MAN1B1: variants seen among roughly 807,000 people sequenced by gnomAD.
MAN1B1 encodes the protein mannosidase alpha class 1B member 1.
MAN1B1 carries 66 observed loss-of-function variants against 75.5 expected under a neutral mutation model. That is an observed-to-expected ratio of 0.87 (90% CI 0.72 to 1.07). MAN1B1 has a LOEUF of 1.07. MAN1B1 is among the 50% of genes least tolerant of loss of function. The probability of loss-of-function intolerance (pLI) is 0.00; values close to 1 mark genes in which losing one functional copy is unlikely to be tolerated. For synonymous variants in MAN1B1, 453 were observed against 382.8 expected (o/e 1.18, Z -2.14); for missense variants, 973 against 912.5 (o/e 1.07, Z -0.85).
rs1831226506 is a variant in MAN1B1, at chr9:137,109,015, C to T, written c.*424C>T. On this transcript the variant is annotated 3_prime_UTR_variant, in exon 13 of 13. Coordinates refer to ENST00000371589, the MANE Select transcript of MAN1B1 (RefSeq NM_016219.5). ...GGGTCTGGAGGGGCTGCCGTGACTC[C>T]AGAGGCCTGAGGCTCCAGGGCTGGC... 2.2e-6 allele frequency: 1 copy of T among 459,682 alleles called. No homozygotes were observed. Among genetic ancestry groups the T allele is most frequent in the Non-Finnish European group, 4.4e-6 (1 of 229,248 alleles). The allele number at this position is 459,682 out of a possible 1,614,324, so 28.5% of individuals were successfully genotyped here.
At chr9:137,088,541 G>C in intron 2 of MAN1B1, 1 of 991,296 alleles carries the variant, frequency 1.0e-6, no homozygotes, top group Non-Finnish European at 1.5e-6. Context: ...TGAGGATGTG[G>C]AGAATCTCTT....
chr9:137,106,871 GA>G, intron 10 of MAN1B1, 62 bp downstream of exon 10: 1 of 1,551,226 alleles, frequency 6.4e-7, no homozygotes, highest in Non-Finnish European at 8.6e-7. Context: ...CAAGGTGCCT[GA>G]GTCATGATGT....
chr9:137,092,222 G>T (rs934425857), intron 3 of MAN1B1, among the ~76,000 whole-genome samples: 2 of 152,104 alleles, frequency 1.3e-5, no homozygotes, highest in African/African-American at 4.8e-5. Context: ...AATTAGCCAG[G>T]CACGACATGC....
At chr9:137,103,630 TGCA>T (rs1330700177) in intron 8 of MAN1B1, 1 of 433,068 alleles carries the variant, frequency 2.3e-6, no homozygotes, top group Non-Finnish European at 4.6e-6. Flanking sequence ...GTTGCAGGCG[TGCA>T]GGTCGGTGTT....
At chr9:137,100,198 C>T (rs1488499137) in intron 6 of MAN1B1, among the ~76,000 whole-genome samples, 6 of 152,202 alleles carry the variant, frequency 3.9e-5, no homozygotes, top group Admixed American at 6.5e-5. Context: ...TGTGGGGCCC[C>T]GCTGGTCCCA....
chr9:137,100,856 G>A (rs1474646279), intron 6 of MAN1B1, 149 bp from the exon 7 acceptor site: 1 of 834,536 alleles, frequency 1.2e-6, no homozygotes, highest in Non-Finnish European at 2.0e-6. Flanking sequence ...CTGGGCTCAA[G>A]CAATCCACTT....
At chr9:137,097,714 G>A (rs1029081569) in intron 4 of MAN1B1, 114 bp from the exon 5 acceptor site, 8 of 809,464 alleles carry the variant, frequency 9.9e-6, no homozygotes, top group Non-Finnish European at 1.5e-5. Flanking sequence ...TCAGGATGAT[G>A]GGGCCGCTTT....
intron 6 of MAN1B1, among the ~76,000 whole-genome samples, chr9:137,100,282 G>A (rs192028713): frequency 1.3e-3 from 191 of 152,314 alleles, no homozygotes; most frequent in African/African-American, 4.5e-3. Context: ...TTATTTAAGC[G>A]ATAATTTAAA....
intron 1 of MAN1B1, chr9:137,087,655 T>A (rs1487282589): frequency 2.4e-6 from 1 of 408,754 alleles, no homozygotes. Context: ...ACATGCGGAC[T>A]GTGCATCGCC....
rs974788760 is a variant in MAN1B1 at position 137,108,176 on chromosome 9, C to G, written c.1897-212C>G. The G allele has an allele frequency of 3.9e-5, 24 of 617,344 alleles. No homozygotes were observed. In the Admixed American group the frequency reaches 6.4e-4, roughly 16 times the overall value. 38.2% of individuals were successfully genotyped at this position (617,344 alleles called of 1,614,324 possible). Reference sequence around the variant, plus strand: ...GCCCAGGTTCTGGGGGAGGCGGTTTCTGTCGTGGTCACTTGAGGGTTGTTG... The same window carrying G: ...GCCCAGGTTCTGGGGGAGGCGGTTTGTGTCGTGGTCACTTGAGGGTTGTTG... On this transcript the variant is annotated intron_variant, in intron 12 of 12. Coordinates refer to ENST00000371589, the MANE Select transcript of MAN1B1 (RefSeq NM_016219.5).
At chr9:137,088,583 C>T (rs2130987311) in intron 2 of MAN1B1, 1 of 769,876 alleles carries the variant, frequency 1.3e-6, no homozygotes, top group South Asian at 1.6e-5. Flanking sequence ...CTCTTTGGAG[C>T]AAAGCTAAAG....
At chr9:137,093,299 C>G (rs1830564006) in intron 3 of MAN1B1, among the ~76,000 whole-genome samples, 1 of 152,098 alleles carries the variant, frequency 6.6e-6, no homozygotes, top group South Asian at 2.1e-4. Flanking sequence ...CAGGCTGAGG[C>G]CTGAACTGGG....
At chr9:137,095,255 A>G (rs1830622414) in intron 3 of MAN1B1, among the ~76,000 whole-genome samples, 1 of 150,920 alleles carries the variant, frequency 6.6e-6, no homozygotes. Context: ...GTGTTTCACC[A>G]TGTTGCCCAG....
rs764377380 is a variant in MAN1B1 at position 137,088,187 on chromosome 9, T to C, written c.328+4T>C. The C allele has an allele frequency of 8.7e-6, 14 of 1,614,128 alleles. No individual in the cohort carries two copies. In the South Asian group the frequency reaches 1.3e-4, roughly 15 times the overall value. On this transcript the variant is annotated splice_donor_region_variant and intron_variant, in intron 2 of 12. Coordinates refer to ENST00000371589, the MANE Select transcript of MAN1B1 (RefSeq NM_016219.5). ...AACTTGGCTGACCATTGGAAAGGTA[T>C]CAGAAACACGTGTACTTGAAAACGA...
rs61545361 is a variant in MAN1B1 at position 137,108,748 on chromosome 9, C to A, written c.*157C>A. The A allele has an allele frequency of 1.3e-6, 1 of 754,100 alleles. No individual in the cohort carries two copies. Among genetic ancestry groups the A allele is most frequent in the Admixed American group, 2.0e-5 (1 of 50,508 alleles). The allele number at this position is 754,100 out of a possible 1,614,324, so 46.7% of individuals were successfully genotyped here. On this transcript the variant is annotated 3_prime_UTR_variant, in exon 13 of 13. Transcript: ENST00000371589. ...CCTCGTCTCTGCTTTAATCAGGACACCGTGAGGACAAGTGAGGCCGTCAGT... is the reference window on the plus strand; with the variant it reads ...CCTCGTCTCTGCTTTAATCAGGACAACGTGAGGACAAGTGAGGCCGTCAGT...
chr9:137,100,937 GGATA>G, intron 6 of MAN1B1, 64 bp from the exon 7 acceptor site: 3 of 1,578,244 alleles, frequency 1.9e-6, no homozygotes, highest in Non-Finnish European at 2.6e-6. Context: ...TTTTGAAGAT[GGATA>G]GATAATAGGA....
At chr9:137,108,303 A>C in intron 12 of MAN1B1, 85 bp from the exon 13 acceptor site, 3 of 1,201,580 alleles carry the variant, frequency 2.5e-6, no homozygotes, top group South Asian at 1.2e-5. Context: ...CACATTCACC[A>C]TGGGGTGGAG....
chr9:137,088,311 TAAAGAG>T, intron 2 of MAN1B1, 128 bp downstream of exon 2: 2 of 1,607,536 alleles, frequency 1.2e-6, no homozygotes, highest in African/African-American at 1.3e-5. Flanking sequence ...GAAATCAAGA[TAAAGAG>T]AAAGGTAGAG....
At chr9:137,106,048 G>A (rs1338884440) in intron 8 of MAN1B1, 77 bp from the exon 9 acceptor site, 3 of 1,175,406 alleles carry the variant, frequency 2.6e-6, no homozygotes, top group South Asian at 1.3e-5. Context: ...GGGAGGCAGA[G>A]CTCACAGAGC....
Sources: gnomAD v4.1 joint callset for allele counts (sites outside exome capture counted in the v4.1 genomes callset) on GRCh38, gnomAD v4.1.1 for gene constraint, MANE v1.5 for transcripts, NCBI Gene and HGNC (gene_info 2026-07-23, HGNC 2026-07-21) for gene names.